The following NMNAT2 variants were observed in gnomAD, a reference collection of about 807,000 sequenced individuals.
NMNAT2 encodes the protein nicotinamide/nicotinic acid mononucleotide adenylyltransferase 2.
In NMNAT2, 11 loss-of-function variants were observed where a neutral mutation model predicts 41.6. The observed-to-expected ratio is 0.26, with a 90% CI of 0.17 to 0.44. The LOEUF (loss-of-function observed/expected upper bound fraction) is 0.44. Ranked by LOEUF, NMNAT2 falls within the 20% of genes least tolerant of loss-of-function variation. The probability of loss-of-function intolerance (pLI) is 1.00; values close to 1 mark genes in which losing one functional copy is unlikely to be tolerated. For missense variants in NMNAT2, 288 were observed against 407.7 expected, an observed-to-expected ratio of 0.71 and a Z score of 2.53; for synonymous variants, 148 against 151.2, an observed-to-expected ratio of 0.98 and a Z score of 0.16.
chr1:183,265,258 C>CTTTTTTTTTTTTT (rs67117635), intron 8 of NMNAT2, among the ~76,000 whole-genome samples: 3 of 64,528 alleles, frequency 4.6e-5, no homozygotes, highest in African/African-American at 1.9e-4. Context: ...TCTTCTTCTT[C>CTTTTTTTTTTTTT]TTTTTTTTTT....
At chr1:183,362,885 A>G (rs1028748906) in intron 1 of NMNAT2, among the ~76,000 whole-genome samples, 4 of 152,178 alleles carry the variant, frequency 2.6e-5, no homozygotes, top group East Asian at 1.9e-4. Flanking sequence ...CCAATCAACA[A>G]TTGTATGAGG....
intron 5 of NMNAT2, among the ~76,000 whole-genome samples, chr1:183,285,219 T>C (rs557174812): frequency 1.3e-3 from 196 of 152,330 alleles, no homozygotes; most frequent in Non-Finnish European, 1.3e-4. Flanking sequence ...GTGGATCAGA[T>C]TTTCCATTTA....
Position 183,304,754 on chromosome 1 carries a change from TTTGCAGCCACTAC to T in NMNAT2, c.86-10974_86-10962del, listed in dbSNP as rs754697341. On this transcript the variant is annotated intron_variant, in intron 1 of 10. Coordinates refer to ENST00000287713, the MANE Select transcript of NMNAT2 (RefSeq NM_015039.4). Reference sequence around the variant, plus strand: ...TGGATTTCCATCTATTTGTCTGGTTTTTGCAGCCACTACTTGCAGCCCTGTGCTGGCCATCAGA... The same window carrying T: ...TGGATTTCCATCTATTTGTCTGGTTTTTGCAGCCCTGTGCTGGCCATCAGA... 3.1e-6 allele frequency: 5 copies of T among 1,613,904 alleles called. No homozygotes were observed. In the South Asian group the frequency reaches 4.4e-5, roughly 14 times the overall value.
chr1:183,355,268 GCCTCTTATTTTCC>G (rs1351151813), intron 1 of NMNAT2, among the ~76,000 whole-genome samples: 3 of 152,270 alleles, frequency 2.0e-5, no homozygotes, highest in Non-Finnish European at 2.9e-5. Flanking sequence ...TCTCCCAGAA[GCCTCTTATTTTCC>G]CCCCAGGGAA....
At chr1:183,361,982 T>C (rs1663315973) in intron 1 of NMNAT2, among the ~76,000 whole-genome samples, 2 of 152,190 alleles carry the variant, frequency 1.3e-5, no homozygotes, top group African/African-American at 4.8e-5. Flanking sequence ...CTTTTGCCCA[T>C]GCTGGAGTGA....
At chr1:183,254,251 A>C (rs955946565) in intron 10 of NMNAT2, among the ~76,000 whole-genome samples, 3 of 152,206 alleles carry the variant, frequency 2.0e-5, no homozygotes, top group African/African-American at 4.8e-5. Flanking sequence ...GACATTTGTT[A>C]TCTCTTATCT....
chr1:183,408,930 A>C (rs968786059), intron 1 of NMNAT2, among the ~76,000 whole-genome samples: 33 of 152,212 alleles, frequency 2.2e-4, no homozygotes, highest in South Asian at 4.1e-4. Flanking sequence ...TGCACTGCTA[A>C]ATATTTATCC....
intron 1 of NMNAT2, among the ~76,000 whole-genome samples, chr1:183,306,628 A>G (rs1231303373): frequency 1.3e-5 from 2 of 152,218 alleles, no homozygotes; most frequent in Non-Finnish European, 2.9e-5. Flanking sequence ...AGAAAGACAC[A>G]GTTTTAAATT....
At chr1:183,405,684 T>C (rs1339374044) in intron 1 of NMNAT2, among the ~76,000 whole-genome samples, 3 of 152,260 alleles carry the variant, frequency 2.0e-5, no homozygotes, top group South Asian at 2.1e-4. Context: ...TTTATTTTTA[T>C]TGTTTTTTTT....
At chr1:183,273,027 C>G (rs891784348) in intron 8 of NMNAT2, among the ~76,000 whole-genome samples, 1 of 152,216 alleles carries the variant, frequency 6.6e-6, no homozygotes, top group African/African-American at 2.4e-5. Flanking sequence ...ACATGGTGAA[C>G]TATAACAAGT....
chr1:183,289,064 T>C (rs1661467199), intron 4 of NMNAT2, among the ~76,000 whole-genome samples: 1 of 152,162 alleles, frequency 6.6e-6, no homozygotes, highest in Non-Finnish European at 1.5e-5. Flanking sequence ...GCCACATCTG[T>C]TAAAATAAAG....
chr1:183,313,316 G>A (rs150632856), intron 1 of NMNAT2, among the ~76,000 whole-genome samples: 262 of 152,340 alleles, frequency 1.7e-3, no homozygotes, highest in African/African-American at 6.1e-3. Context: ...TACCCCTGAA[G>A]AGAGGGAGGT....
intron 1 of NMNAT2, among the ~76,000 whole-genome samples, 158 bp downstream of exon 1, chr1:183,418,025 T>G (rs1259019946): frequency 1.3e-5 from 2 of 151,936 alleles, no homozygotes; most frequent in African/African-American, 2.4e-5. Context: ...TACCCTCCCC[T>G]GAGTCCAAAA....
At chr1:183,372,769 C>T (rs181319067) in intron 1 of NMNAT2, among the ~76,000 whole-genome samples, 247 of 152,270 alleles carry the variant, frequency 1.6e-3, no homozygotes, top group Middle Eastern at 6.8e-3. Flanking sequence ...AGATGGACAA[C>T]AGGGCTTCAA....
intron 1 of NMNAT2, among the ~76,000 whole-genome samples, chr1:183,355,642 A>G (rs1663168087): frequency 1.3e-5 from 2 of 152,202 alleles, no homozygotes; most frequent in South Asian, 2.1e-4. Flanking sequence ...TGTGCATTAC[A>G]TTGGTTTGTT....
intron 10 of NMNAT2, among the ~76,000 whole-genome samples, chr1:183,258,265 C>T (rs906261264): frequency 4.6e-5 from 7 of 152,232 alleles, no homozygotes; most frequent in African/African-American, 1.7e-4. Context: ...TGTAAAAATT[C>T]ATATACGCCT....
chr1:183,259,090 A>G (rs1660593742), intron 10 of NMNAT2, among the ~76,000 whole-genome samples: 1 of 152,206 alleles, frequency 6.6e-6, no homozygotes, highest in African/African-American at 2.4e-5. Context: ...CTTGCAAGCT[A>G]GGTCCCTAAG....
Position 183,249,996 on chromosome 1 carries a change from T to A in NMNAT2, c.*2645A>T, listed in dbSNP as rs1660332966. The A allele has an allele frequency of 6.6e-6, 1 of 152,144 alleles. No homozygotes were observed. The highest frequency in any genetic ancestry group is 2.1e-4 in the South Asian group (1 of 4,816). The allele number at this position is 152,144 out of a possible 1,614,324, so 9.4% of individuals were successfully genotyped here. A position where few individuals can be genotyped will look rare whatever the true frequency, so the allele number is the denominator to read the frequency against. ...ACCAGCCTCATTCCTTCTCATGGGC[T>A]GTAGACCAAATGGGGCTTGACCAGA... On this transcript the variant is annotated 3_prime_UTR_variant, in exon 11 of 11. Transcript: ENST00000287713.
At chr1:183,361,123 C>T (rs767349217) in intron 1 of NMNAT2, among the ~76,000 whole-genome samples, 1 of 152,200 alleles carries the variant, frequency 6.6e-6, no homozygotes, top group Non-Finnish European at 1.5e-5. Context: ...ATGCCAATCA[C>T]TGTTGTAAGC....
Sources: gnomAD v4.1 joint callset for allele counts (sites outside exome capture counted in the v4.1 genomes callset) on GRCh38, gnomAD v4.1.1 for gene constraint, MANE v1.5 for transcripts, NCBI Gene and HGNC (gene_info 2026-07-23, HGNC 2026-07-21) for gene names.